PITPNC1: variants seen among roughly 807,000 people sequenced by gnomAD.
PITPNC1 encodes the protein phosphatidylinositol transfer protein cytoplasmic 1, also known as cytoplasmic phosphatidylinositol transfer protein 1.
In PITPNC1, 18 loss-of-function variants were observed where a neutral mutation model predicts 44.7. That is an observed-to-expected ratio of 0.40 (90% CI 0.28 to 0.60). The LOEUF is 0.60. Among genes scored for constraint, PITPNC1 ranks in the 20% least tolerant of loss-of-function variants. PITPNC1 has a pLI of 0.39. For synonymous variants in PITPNC1, 141 were observed against 149.6 expected (o/e 0.94, Z 0.42); for missense variants, 290 against 418.4 (o/e 0.69, Z 2.68).
Position 67,632,154 on chromosome 17 carries a change from T to C in PITPNC1, c.378T>C (p.Asn126=), listed in dbSNP as rs757882047. The C allele has an allele frequency of 6.8e-6, 11 of 1,610,720 alleles. No individual in the cohort carries two copies. In the South Asian group the frequency reaches 1.2e-4, roughly 18 times the overall value. The change falls in exon 6 of 9, where the codon AAT becomes AAC. Residue 126 remains asparagine (N), a synonymous_variant. Transcript: ENST00000581322. ...NKGSNDTIFD[N]EAKDVEREVC... ...CTCTGCTTTTTCAGATTTTCGACAATGAAGCCAAAGACGTGGAGAGAGAAG... is the reference window on the plus strand; with the variant it reads ...CTCTGCTTTTTCAGATTTTCGACAACGAAGCCAAAGACGTGGAGAGAGAAG...
At chr17:67,574,691 C>T (rs957069344) in intron 4 of PITPNC1, among the ~76,000 whole-genome samples, 4 of 152,198 alleles carry the variant, frequency 2.6e-5, no homozygotes, top group Non-Finnish European at 5.9e-5. Context: ...ATTTCAGTGA[C>T]GGCACTGAAG....
intron 7 of PITPNC1, among the ~76,000 whole-genome samples, chr17:67,671,005 C>T (rs1268193852): frequency 1.3e-5 from 2 of 152,058 alleles, no homozygotes; most frequent in African/African-American, 4.8e-5. Flanking sequence ...CCTCAGCCTC[C>T]CGAGTAGCTG....
chr17:67,648,522 T>C (rs111496700), intron 6 of PITPNC1, among the ~76,000 whole-genome samples: 4 of 152,338 alleles, frequency 2.6e-5, no homozygotes, highest in African/African-American at 9.6e-5. Context: ...AGAGGTTACC[T>C]TGAACTATAC....
intron 2 of PITPNC1, among the ~76,000 whole-genome samples, chr17:67,542,608 A>G (rs1167183364): frequency 6.6e-6 from 1 of 152,182 alleles, no homozygotes; most frequent in Non-Finnish European, 1.5e-5. Flanking sequence ...TCATAAGTCC[A>G]CAGGGCAGTG....
At chr17:67,688,673 C>G (rs193209285) in intron 8 of PITPNC1, among the ~76,000 whole-genome samples, 2 of 152,276 alleles carry the variant, frequency 1.3e-5, no homozygotes, top group Admixed American at 6.5e-5. Context: ...AGGAAACTCT[C>G]CTTGAATTTC....
rs1407088975 is a variant in PITPNC1 at position 67,446,963 on chromosome 17, A to T, written c.48+68761A>T. On this transcript the variant is annotated intron_variant, in intron 1 of 8. Coordinates refer to ENST00000581322, the MANE Select transcript of PITPNC1 (RefSeq NM_012417.4). ...AAATTAGCCAAGTATGGTGGCGGGC[A>T]CCTGTAATCGCAGCTACTGGGGAGG... 6.6e-5 allele frequency among the ~76,000 whole-genome samples: 10 copies of T among 151,418 alleles called. 1 individual carries two copies. Among genetic ancestry groups the T allele is most frequent in the Non-Finnish European group, 1.3e-4 (9 of 67,756 alleles).
At chr17:67,615,651 G>A (rs970266052) in intron 5 of PITPNC1, among the ~76,000 whole-genome samples, 3 of 152,156 alleles carry the variant, frequency 2.0e-5, no homozygotes, top group Non-Finnish European at 4.4e-5. Context: ...GGCTGTGAAA[G>A]GCTGGCCCGT....
At position 67,378,105 on chromosome 17, in the gene PITPNC1, T is replaced by C; in HGVS notation, c.-50T>C. 7 of 1,409,360 alleles carry C rather than the reference T, an allele frequency of 5.0e-6. No homozygotes were observed. Among genetic ancestry groups the C allele is most frequent in the South Asian group, 2.6e-5 (2 of 76,994 alleles). The allele number at this position is 1,409,360 out of a possible 1,614,324, so 87.3% of individuals were successfully genotyped here. A position where few individuals can be genotyped will look rare whatever the true frequency, so the allele number is the denominator to read the frequency against. ...CGCCTGGGCAGCAGCCTTGCTGGTC[T>C]TGGGGGCGCCCCCCGCTTCCCGCCC... On this transcript the variant is annotated 5_prime_UTR_variant, in exon 1 of 9. Coordinates refer to ENST00000581322, the MANE Select transcript of PITPNC1 (RefSeq NM_012417.4).
At chr17:67,682,691 G>A (rs77273366) in intron 8 of PITPNC1, among the ~76,000 whole-genome samples, 5,617 of 152,216 alleles carry the variant, frequency 0.037, 162 homozygotes, top group Middle Eastern at 0.11. Context: ...AAGAAATACC[G>A]TACCAGTTGC....
At chr17:67,686,857 T>G (rs761697696) in intron 8 of PITPNC1, among the ~76,000 whole-genome samples, 5 of 152,202 alleles carry the variant, frequency 3.3e-5, no homozygotes, top group Non-Finnish European at 7.3e-5. Context: ...CTCTTCTCTG[T>G]TCTAAGACTA....
At chr17:67,408,789 C>G (rs1017387715) in intron 1 of PITPNC1, 2 of 109,216 alleles carry the variant, frequency 1.8e-5, no homozygotes, top group Non-Finnish European at 3.7e-5. Flanking sequence ...TAGTCAAATG[C>G]AGTAGTAAGA....
intron 1 of PITPNC1, among the ~76,000 whole-genome samples, chr17:67,468,815 A>G (rs7221882): frequency 1.8e-3 from 156 of 87,784 alleles, no homozygotes; most frequent in East Asian, 0.016. Flanking sequence ...TCCTGCCTCC[A>G]CCTCCCAGGT....
chr17:67,603,922 G>A (rs931892571), intron 5 of PITPNC1, among the ~76,000 whole-genome samples: 10 of 150,278 alleles, frequency 6.7e-5, no homozygotes, highest in Admixed American at 6.0e-4. Flanking sequence ...GCAACAGAAC[G>A]AGACTCTGTC....
intron 5 of PITPNC1, among the ~76,000 whole-genome samples, chr17:67,584,700 T>C (rs2041287645): frequency 6.6e-6 from 1 of 152,188 alleles, no homozygotes; most frequent in African/African-American, 2.4e-5. Flanking sequence ...TCATGATGAT[T>C]TCCCAATGAG....
At chr17:67,492,065 G>A (rs1010145117) in intron 1 of PITPNC1, among the ~76,000 whole-genome samples, 1 of 150,072 alleles carries the variant, frequency 6.7e-6, no homozygotes, top group Non-Finnish European at 1.5e-5. Context: ...GTATATTTCT[G>A]AGAAGTTGTA....
chr17:67,535,212 A>AG (rs1476205663), intron 2 of PITPNC1, among the ~76,000 whole-genome samples: 1 of 152,214 alleles, frequency 6.6e-6, no homozygotes, highest in East Asian at 1.9e-4. Context: ...GTTGATTTGC[A>AG]GGGGCAGCTG....
chr17:67,456,737 T>C (rs1350127899), intron 1 of PITPNC1, among the ~76,000 whole-genome samples: 3 of 152,202 alleles, frequency 2.0e-5, no homozygotes, highest in Admixed American at 2.0e-4. Flanking sequence ...CCAAACTGTA[T>C]ATATTTTTAT....
chr17:67,460,740 C>CTTTTTTTTT (rs138545288), intron 1 of PITPNC1, among the ~76,000 whole-genome samples: 1 of 121,534 alleles, frequency 8.2e-6, no homozygotes, highest in Non-Finnish European at 1.6e-5. Flanking sequence ...TTCTTTCTTT[C>CTTTTTTTTT]TTTTTTTTTT....
intron 1 of PITPNC1, among the ~76,000 whole-genome samples, chr17:67,492,926 G>A (rs941664010): frequency 3.3e-5 from 5 of 152,080 alleles, no homozygotes; most frequent in Non-Finnish European, 7.3e-5. Context: ...TTGAGTTTGG[G>A]GCTACGACAA....
Sources: gnomAD v4.1 joint callset for allele counts (sites outside exome capture counted in the v4.1 genomes callset) on GRCh38, gnomAD v4.1.1 for gene constraint, MANE v1.5 for transcripts, NCBI Gene and HGNC (gene_info 2026-07-23, HGNC 2026-07-21) for gene names.